The following ERBIN variants were observed in gnomAD, a reference collection of about 807,000 sequenced individuals.
ERBIN encodes the protein densin-180-like protein.
Under a neutral mutation model 158.4 loss-of-function variants are expected in ERBIN, and 60 were observed. That is an observed-to-expected ratio of 0.38 (90% confidence interval 0.31 to 0.47). The LOEUF is 0.47. ERBIN is among the 20% of genes least tolerant of loss of function. ERBIN has a pLI of 0.99. For missense variants in ERBIN, 1,610 were observed against 1,648.0 expected, an observed-to-expected ratio of 0.98 and a Z score of 0.40; for synonymous variants, 594 against 557.2, an observed-to-expected ratio of 1.07 and a Z score of -0.93.
At chr5:65,937,643 T>G (rs1189910992) in intron 1 of ERBIN, among the ~76,000 whole-genome samples, 1 of 152,196 alleles carries the variant, frequency 6.6e-6, no homozygotes, top group East Asian at 1.9e-4. Context: ...GTGCGGTGGC[T>G]CATGCCTGTA....
At chr5:66,046,821 A>G (rs945249893) in intron 18 of ERBIN, among the ~76,000 whole-genome samples, 4 of 152,182 alleles carry the variant, frequency 2.6e-5, no homozygotes, top group Non-Finnish European at 5.9e-5. Flanking sequence ...AAAGACTACT[A>G]TAGGCATACC....
At chr5:65,958,574 CA>C (rs1747541521) in intron 1 of ERBIN, among the ~76,000 whole-genome samples, 1 of 149,906 alleles carries the variant, frequency 6.7e-6, no homozygotes, top group Non-Finnish European at 1.5e-5. Context: ...GGCAGCAGTA[CA>C]GTCCAGCTTC....
intron 1 of ERBIN, among the ~76,000 whole-genome samples, chr5:65,933,467 C>A (rs1291686238): frequency 6.6e-6 from 1 of 152,118 alleles, no homozygotes; most frequent in African/African-American, 2.4e-5. Flanking sequence ...AGGCAGTCTC[C>A]TTTTTTCATA....
intron 1 of ERBIN, among the ~76,000 whole-genome samples, chr5:65,975,480 A>AT (rs1749754989): frequency 6.6e-6 from 1 of 151,940 alleles, no homozygotes; most frequent in Non-Finnish European, 1.5e-5. Context: ...TAATTTTTGC[A>AT]TTTTTAGTAG....
At chr5:66,060,872 G>A (rs1760208334) in intron 21 of ERBIN, among the ~76,000 whole-genome samples, 1 of 152,158 alleles carries the variant, frequency 6.6e-6, no homozygotes, top group African/African-American at 2.4e-5. Context: ...TCTTAATCCT[G>A]AGTTCTAGTT....
intron 1 of ERBIN, among the ~76,000 whole-genome samples, chr5:65,941,315 A>T (rs1299893400): frequency 0.01 from 11 of 1,088 alleles, no homozygotes; most frequent in South Asian, 0.056. Context: ...ATGATCAATA[A>T]AAAAAAAAAA....
At position 66,054,180 on chromosome 5, in the gene ERBIN, G is replaced by A. The variant is rs758986765; in HGVS notation, c.2862G>A (p.Glu954=). The change falls in exon 21 of 26, where the codon GAG becomes GAA. Residue 954 remains glutamate (E), a synonymous_variant. Transcript: ENST00000284037. ...TTGATTCAAATCATAATCCCGAAGA[G>A]CCAAATATAATAAGAGGCCCCACAA... ...FKFDSNHNPE[E]PNIIRGPTSG... The A allele has an allele frequency of 6.2e-7, 1 of 1,614,078 alleles. No homozygotes were observed. Among genetic ancestry groups the A allele is most frequent in the Non-Finnish European group, 8.5e-7 (1 of 1,180,020 alleles).
chr5:66,059,126 G>A (rs1485994660), intron 21 of ERBIN, among the ~76,000 whole-genome samples: 1 of 152,128 alleles, frequency 6.6e-6, no homozygotes, highest in Non-Finnish European at 1.5e-5. Context: ...ATTACCTTGG[G>A]CAGTATGGCC....
intron 8 of ERBIN, among the ~76,000 whole-genome samples, chr5:66,021,733 G>C (rs1561386187): frequency 6.6e-6 from 1 of 152,088 alleles, no homozygotes. Context: ...AGAGCTCCAT[G>C]GGGTATTGCT....
intron 1 of ERBIN, among the ~76,000 whole-genome samples, chr5:65,948,849 C>T (rs1262863921): frequency 6.6e-6 from 1 of 150,754 alleles, no homozygotes; most frequent in Admixed American, 6.6e-5. Context: ...CTGCAGCCTC[C>T]ACCTCACAGG....
rs544802765 is a variant in ERBIN at position 66,031,198 on chromosome 5, G to C, written c.1206+2855G>C. On this transcript the variant is annotated intron_variant, in intron 14 of 25. Transcript: ENST00000284037. ...TGGTTGTGAATTATAAAAGTAAATT[G>C]TTCTACTATTTAATGTTTATGAAAA... is the stretch of plus-strand genomic sequence containing the variant. Among the ~76,000 whole-genome samples the C allele has an allele frequency of 4.6e-5, 7 of 152,256 alleles. No homozygotes were observed. The South Asian group carries it at 1.5e-3, about 32-fold the overall frequency.
At chr5:65,973,415 A>G (rs1304640663) in intron 1 of ERBIN, among the ~76,000 whole-genome samples, 1 of 150,466 alleles carries the variant, frequency 6.6e-6, no homozygotes, top group Non-Finnish European at 1.5e-5. Flanking sequence ...AAATAAAATA[A>G]TAAAATAAAT....
intron 1 of ERBIN, among the ~76,000 whole-genome samples, chr5:65,978,048 C>A (rs1309445792): frequency 1.3e-5 from 2 of 152,154 alleles, no homozygotes; most frequent in African/African-American, 4.8e-5. Flanking sequence ...TCATATTAAG[C>A]AACAGCTTTG....
rs758958479 is a variant in ERBIN, at chr5:66,043,133, A to C, written c.1363A>C (p.Lys455Gln). The C allele has an allele frequency of 1.9e-6, 3 of 1,613,006 alleles. No individual in the cohort carries two copies. Among genetic ancestry groups the C allele is most frequent in the South Asian group, 1.1e-5 (1 of 91,060 alleles). The part of the protein sequence containing the change: ...FNPSLWEEQR[K>Q]QRAQVAFECD... ...CCCTTCATTGTGGGAGGAACAGAGGAAACAGCGGGCTCAAGTTGCATTTGA... is the reference window on the plus strand; with the variant it reads ...CCCTTCATTGTGGGAGGAACAGAGGCAACAGCGGGCTCAAGTTGCATTTGA... Residue 455 changes from lysine to glutamine, a missense_variant, in exon 16 of 26, where the codon AAA (lysine) becomes CAA (glutamine). Lys to Gln is a moderately conservative substitution (Grantham distance 53). Around this residue, in one of 2 missense-constraint regions of ERBIN, gnomAD observed 596 missense variants for 711.9 expected, o/e 0.84. Coordinates refer to ENST00000284037, the MANE Select transcript of ERBIN (RefSeq NM_001253697.2).
intron 21 of ERBIN, among the ~76,000 whole-genome samples, chr5:66,055,440 C>G (rs559693124): frequency 6.6e-6 from 1 of 152,224 alleles, no homozygotes; most frequent in African/African-American, 2.4e-5. Context: ...GGCATTTATT[C>G]TTAACTTTTC....
intron 1 of ERBIN, among the ~76,000 whole-genome samples, chr5:65,946,326 T>C (rs1745740756): frequency 6.6e-6 from 1 of 152,170 alleles, no homozygotes; most frequent in Non-Finnish European, 1.5e-5. Context: ...ATTACACCAC[T>C]GCACTCCAGC....
chr5:66,034,849 A>T (rs1235867373), intron 14 of ERBIN, among the ~76,000 whole-genome samples: 1 of 152,210 alleles, frequency 6.6e-6, no homozygotes, highest in East Asian at 1.9e-4. Flanking sequence ...GAAAAGAATA[A>T]TGCAGCAAAG....
intron 8 of ERBIN, chr5:66,022,985 T>C (rs1391596423): frequency 4.8e-6 from 1 of 209,168 alleles, no homozygotes; most frequent in Admixed American, 5.9e-5. Flanking sequence ...CTTTACAAAT[T>C]ATATAAAAAC....
At chr5:66,057,645 C>G (rs908925415) in intron 21 of ERBIN, among the ~76,000 whole-genome samples, 9 of 151,526 alleles carry the variant, frequency 5.9e-5, no homozygotes, top group Non-Finnish European at 1.3e-4. Flanking sequence ...TGGTGTGCTG[C>G]ACCCATTAAC....
Sources: allele counts gnomAD v4.1 joint callset (sites outside exome capture counted in the v4.1 genomes callset), GRCh38; gene constraint gnomAD v4.1.1; regional missense constraint gnomAD v4.1.1; transcripts MANE v1.5; gene names NCBI Gene and HGNC (gene_info 2026-07-23, HGNC 2026-07-21).